Variants in SEMA6B observed in about 807,000 individuals in gnomAD.
SEMA6B encodes semaphorin-6B.
SEMA6B carries 47 observed loss-of-function variants against 78.6 expected under a neutral mutation model. The ratio of observed to expected loss-of-function variants is 0.60; its 90% CI spans 0.47 to 0.76. The LOEUF (loss-of-function observed/expected upper bound fraction) is 0.76. Among genes scored for constraint, SEMA6B ranks in the 30% least tolerant of loss-of-function variants. The pLI, the probability that SEMA6B is intolerant of heterozygous loss-of-function variation, is 0.00. For synonymous variants in SEMA6B, 632 were observed against 592.2 expected (o/e 1.07, Z -0.98); for missense variants, 1,213 against 1,269.9 (o/e 0.96, Z 0.68).
rs550058306 is a variant in SEMA6B, at chr19:4,551,220, CT to C, written c.990-291del. On this transcript the variant is annotated intron_variant, in intron 10 of 16. Coordinates refer to ENST00000586582, the MANE Select transcript of SEMA6B (RefSeq NM_032108.4). The stretch of plus-strand genomic sequence containing the variant: ...CTGTTAGAGCCCACTCCCCAGCAGG[CT>C]TTTTTTTTTTTTTTTGGAGACCGAG... Among the ~76,000 whole-genome samples, 1,120 of 132,892 alleles carry C rather than the reference CT, an allele frequency of 8.4e-3. 13 individuals are homozygous for C. The highest frequency in any genetic ancestry group is 0.021 in the African/African-American group (736 of 35,540). The allele number at this position is 132,892 out of a possible 152,430, so 87.2% of individuals were successfully genotyped here.
At chr19:4,547,884 C>CCGCGGGCCTTTG in intron 14 of SEMA6B, 143 bp downstream of exon 14, 1 of 1,061,754 alleles carries the variant, frequency 9.4e-7, no homozygotes. Flanking sequence ...GTGGTCCTGC[C>CCGCGGGCCTTTG]CGCGGGCCTT....
At position 4,548,021 on chromosome 19, in the gene SEMA6B, A is replaced by G; in HGVS notation, c.1601+6T>C. ...CGCCCACGGCTGGCCTGGGGTGGAC[A>G]CTCACTTCATACACCCCGAGTACTG... On this transcript the variant is annotated splice_donor_region_variant and intron_variant, in intron 14 of 16. Transcript: ENST00000586582. 1 of 1,539,258 alleles carries G rather than the reference A, an allele frequency of 6.5e-7. No individual in the cohort carries two copies. Among genetic ancestry groups the G allele is most frequent in the Non-Finnish European group, 8.7e-7 (1 of 1,143,616 alleles).
At position 4,543,588 on chromosome 19, in the gene SEMA6B, G is replaced by T. The variant is rs977600358; in HGVS notation, c.*13C>A. On this transcript the variant is annotated 3_prime_UTR_variant, in exon 17 of 17. Transcript: ENST00000586582. ...CGTGGCTGGCACTGCCAAGGCATCG[G>T]GGGGCCCCCGGCCTAGGGCACGGGG... is the stretch of plus-strand genomic sequence containing the variant. 1 of 1,217,900 alleles carries T rather than the reference G, an allele frequency of 8.2e-7. No homozygotes were observed. The highest frequency in any genetic ancestry group is 1.0e-6 in the Non-Finnish European group (1 of 972,124). The allele number at this position is 1,217,900 out of a possible 1,614,324, so 75.4% of individuals were successfully genotyped here. A position where few individuals can be genotyped will look rare whatever the true frequency, so the allele number is the denominator to read the frequency against.
rs1357642410 is a variant in SEMA6B, at chr19:4,555,043, G to A, written c.615C>T (p.Val205=). 1 of 1,613,944 alleles carries A rather than the reference G, an allele frequency of 6.2e-7. No individual in the cohort carries two copies. The highest frequency in any genetic ancestry group is 8.5e-7 in the Non-Finnish European group (1 of 1,179,982). ...GCCTGTCCCCGAGGCTGCGGTAGAT[G>A]ACAGCATCAATGGCTAGGAAGTCGG... The part of the protein sequence containing the change: ...TVTDFLAIDA[V]IYRSLGDRPT... The change falls in exon 8 of 17, where the codon GTC becomes GTT. Residue 205 remains valine, a synonymous_variant. Coordinates refer to ENST00000586582, the MANE Select transcript of SEMA6B (RefSeq NM_032108.4). The surrounding 1 kb of genome is among the most constrained non-coding windows in gnomAD (Gnocchi z 6.1).
rs1488664174 is a variant in SEMA6B, at chr19:4,548,398, C to A, written c.1319G>T (p.Gly440Val). The A allele has an allele frequency of 6.2e-7, 1 of 1,613,444 alleles. No individual in the cohort carries two copies. Among genetic ancestry groups the A allele is most frequent in the African/African-American group, 1.3e-5 (1 of 74,914 alleles). The part of the protein sequence containing the change: ...VAVDVGAGPW[G>V]NQTVVFLGSE... Reference sequence around the variant, plus strand: ...ACCCAGGAAGACAACGGTCTGGTTGCCCCAGGGGCCGGCTCCCACGTCCAC... The same window carrying A: ...ACCCAGGAAGACAACGGTCTGGTTGACCCAGGGGCCGGCTCCCACGTCCAC... The change falls in exon 13 of 17, where the codon GGC (glycine) becomes GTC (valine). Residue 440 changes from glycine to valine, a missense_variant. By Grantham distance (109) the Gly-to-Val change is moderately radical. Coordinates refer to ENST00000586582, the MANE Select transcript of SEMA6B (RefSeq NM_032108.4).
chr19:4,555,343 A>G lies in SEMA6B; in HGVS notation c.562+131T>C, dbSNP rs569237476. On this transcript the variant is annotated intron_variant, in intron 7 of 16. Transcript: ENST00000586582. The surrounding 1 kb of genome is among the most constrained non-coding windows in gnomAD (Gnocchi z 6.1). Reference sequence around the variant, plus strand: ...AGCTGAGCCCCAAACCTGGGCTGAGAGTCTGCCCATGTCACAGCTGGGACA... The same window carrying G: ...AGCTGAGCCCCAAACCTGGGCTGAGGGTCTGCCCATGTCACAGCTGGGACA... 2 of 872,228 alleles carry G rather than the reference A, an allele frequency of 2.3e-6. No individual in the cohort carries two copies. Among genetic ancestry groups the G allele is most frequent in the East Asian group, 5.3e-5 (2 of 37,914 alleles). 54.0% of individuals were successfully genotyped at this position (872,228 alleles called of 1,614,324 possible).
rs1329099675 is a variant in SEMA6B at position 4,542,855 on chromosome 19, G to C, written c.*746C>G. The C allele has an allele frequency of 1.7e-5, 12 of 701,536 alleles. No individual in the cohort carries two copies. The highest frequency in any genetic ancestry group is 1.4e-4 in the African/African-American group (8 of 57,042). 43.5% of individuals were successfully genotyped at this position (701,536 alleles called of 1,614,324 possible). On this transcript the variant is annotated 3_prime_UTR_variant, in exon 17 of 17. Coordinates refer to ENST00000586582, the MANE Select transcript of SEMA6B (RefSeq NM_032108.4). ...TGTGACTTCCGGGCAGGCCCTCCTC[G>C]TGTCTCCTGCCTGAAACCCCGGCAT...
At position 4,550,161 on chromosome 19, in the gene SEMA6B, C is replaced by T. The variant is rs138775166; in HGVS notation, c.1233G>A (p.Ser411=). Reference sequence around the variant, plus strand: ...GCAGGATCCAGGGCGCATGGCCCAGCGAGGGCACCGCCTCGTCCATCAGAG... The same window carrying T: ...GCAGGATCCAGGGCGCATGGCCCAGTGAGGGCACCGCCTCGTCCATCAGAG... ...THPLMDEAVP[S]LGHAPWILRT... Residue 411 remains serine (S), a synonymous_variant, in exon 12 of 17, where the codon TCG becomes TCA. Coordinates refer to ENST00000586582, the MANE Select transcript of SEMA6B (RefSeq NM_032108.4). This position sits in a 1 kb window ranked among gnomAD's most constrained non-coding sequence, Gnocchi z 6.6. 63 of 1,613,700 alleles carry T rather than the reference C, an allele frequency of 3.9e-5. No individual in the cohort carries two copies. Among genetic ancestry groups the T allele is most frequent in the African/African-American group, 2.0e-4 (15 of 74,918 alleles).
At chr19:4,547,883 C>T (rs1211866426) in intron 14 of SEMA6B, 144 bp downstream of exon 14, 3 of 1,043,820 alleles carry the variant, frequency 2.9e-6, no homozygotes, top group Admixed American at 6.2e-5. Flanking sequence ...AGTGGTCCTG[C>T]CCGCGGGCCT....
At chr19:4,556,872 G>A (rs1977485341) in intron 5 of SEMA6B, 79 bp downstream of exon 5, 9 of 1,355,166 alleles carry the variant, frequency 6.6e-6, no homozygotes, top group East Asian at 2.5e-5. Flanking sequence ...GGTGGGCGTG[G>A]CCTGGTCTGA....
At position 4,543,529 on chromosome 19, in the gene SEMA6B, C is replaced by G; in HGVS notation, c.*72G>C. 1.2e-6 allele frequency: 1 copy of G among 839,310 alleles called. No homozygotes were observed. The highest frequency in any genetic ancestry group is 1.6e-6 in the Non-Finnish European group (1 of 629,500). 52.0% of individuals were successfully genotyped at this position (839,310 alleles called of 1,614,324 possible). On this transcript the variant is annotated 3_prime_UTR_variant, in exon 17 of 17. Transcript: ENST00000586582. The stretch of plus-strand genomic sequence containing the variant: ...ACCCACTCGGAGTTGCCCCGGGCCC[C>G]GGCGTTCTGGCACCGTCTCTCGCTC...
rs1977044772 is a variant in SEMA6B at position 4,542,607 on chromosome 19, GT to G, written c.*993del. The G allele has an allele frequency of 2.0e-6, 1 of 488,960 alleles. No individual in the cohort carries two copies. 30.3% of individuals were successfully genotyped at this position (488,960 alleles called of 1,614,324 possible). A position where few individuals can be genotyped will look rare whatever the true frequency, so the allele number is the denominator to read the frequency against. Reference sequence around the variant, plus strand: ...ATGGGGGCCGGTGGTTGTAAACAGAGTTTTATTGATGGGGAGGGGGCTGGGG... The same window carrying G: ...ATGGGGGCCGGTGGTTGTAAACAGAGTTTATTGATGGGGAGGGGGCTGGGG... On this transcript the variant is annotated 3_prime_UTR_variant, in exon 17 of 17. Transcript: ENST00000586582.
Position 4,544,612 on chromosome 19 carries a change from T to C in SEMA6B, c.1739-83A>G. 2.9e-6 allele frequency: 2 copies of C among 699,706 alleles called. No homozygotes were observed. The highest frequency in any genetic ancestry group is 4.1e-6 in the Non-Finnish European group (2 of 493,192). The allele number at this position is 699,706 out of a possible 1,614,324, so 43.3% of individuals were successfully genotyped here. A position where few individuals can be genotyped will look rare whatever the true frequency, so the allele number is the denominator to read the frequency against. Reference sequence around the variant, plus strand: ...CCTACCTCCTCGGGGCCCTCTGTCCTCTTTTTTATTATTTTTATTTTTTTT... The same window carrying C: ...CCTACCTCCTCGGGGCCCTCTGTCCCCTTTTTTATTATTTTTATTTTTTTT... On this transcript the variant is annotated intron_variant, in intron 16 of 16. Transcript: ENST00000586582. This position sits in a 1 kb window ranked among gnomAD's most constrained non-coding sequence, Gnocchi z 5.1.
chr19:4,545,149 C>G (rs1977132049), intron 16 of SEMA6B, among the ~76,000 whole-genome samples: 1 of 151,606 alleles, frequency 6.6e-6, no homozygotes, highest in South Asian at 2.1e-4. Context: ...TTGAGACCAG[C>G]CTGGCCAACA....
rs564594434 is a variant in SEMA6B at position 4,547,494 on chromosome 19, C to T, written c.1601+533G>A. ...ACGGCGGGCAGGAAGCAGGGTCCTC[C>T]GCATTGACGGCTCACATGGAGTGCA... is the stretch of plus-strand genomic sequence containing the variant. On this transcript the variant is annotated intron_variant, in intron 14 of 16. Coordinates refer to ENST00000586582, the MANE Select transcript of SEMA6B (RefSeq NM_032108.4). 1.6e-4 allele frequency among the ~76,000 whole-genome samples: 24 copies of T among 152,324 alleles called. No individual in the cohort carries two copies. The South Asian group carries it at 2.5e-3, about 16-fold the overall frequency.
rs1243209009 is a variant in SEMA6B, at chr19:4,543,355, C to A, written c.*246G>T. 2.3e-6 allele frequency: 1 copy of A among 434,074 alleles called. No homozygotes were observed. Among genetic ancestry groups the A allele is most frequent in the Non-Finnish European group, 4.1e-6 (1 of 246,710 alleles). The allele number at this position is 434,074 out of a possible 1,614,324, so 26.9% of individuals were successfully genotyped here. ...AAACCTACGCGCATAAGGTCAACCT[C>A]AAATCCATAGCAAAGTCCTCCCGCC... On this transcript the variant is annotated 3_prime_UTR_variant, in exon 17 of 17. Coordinates refer to ENST00000586582, the MANE Select transcript of SEMA6B (RefSeq NM_032108.4).
rs1408529429 is a variant in SEMA6B, at chr19:4,543,972, CA to C, written c.2295del (p.Glu767SerfsTer63). ...PARAPEQPPA[P>X]GEPTPDGRLY... ...AGGCGGCCGTCGGGGGTCGGCTCCC[CA>C]GGCGCGGGGGGCTGCTCGGGGGCCC... On this transcript the variant is annotated frameshift_variant, in exon 17 of 17. Transcript: ENST00000586582. LOFTEE classifies it high-confidence loss of function. The C allele has an allele frequency of 8.3e-7, 1 of 1,203,382 alleles. No homozygotes were observed. Among genetic ancestry groups the C allele is most frequent in the African/African-American group, 1.6e-5 (1 of 63,040 alleles). The allele number at this position is 1,203,382 out of a possible 1,614,324, so 74.5% of individuals were successfully genotyped here. A position where few individuals can be genotyped will look rare whatever the true frequency, so the allele number is the denominator to read the frequency against.
Position 4,543,490 on chromosome 19 carries a change from G to A in SEMA6B, c.*111C>T. On this transcript the variant is annotated 3_prime_UTR_variant, in exon 17 of 17. Coordinates refer to ENST00000586582, the MANE Select transcript of SEMA6B (RefSeq NM_032108.4). ...CCCCCCACTCCGCGGGTGGGTCGCG[G>A]GGGGGACTTGAGCACCCACTCGGAG... The A allele has an allele frequency of 2.2e-6, 1 of 453,386 alleles. No individual in the cohort carries two copies. The highest frequency in any genetic ancestry group is 3.6e-5 in the East Asian group (1 of 27,976). 28.1% of individuals were successfully genotyped at this position (453,386 alleles called of 1,614,324 possible).
Position 4,558,256 on chromosome 19 carries a change from C to G in SEMA6B, c.121+81G>C. On this transcript the variant is annotated intron_variant, in intron 2 of 16. Transcript: ENST00000586582. This position sits in a 1 kb window ranked among gnomAD's most constrained non-coding sequence, Gnocchi z 5.1. Reference sequence around the variant, plus strand: ...TGGCTCCTGGACTGCTTGAGTCCCCCAGTGGGGGCAGCAGACCCAACTGGG... The same window carrying G: ...TGGCTCCTGGACTGCTTGAGTCCCCGAGTGGGGGCAGCAGACCCAACTGGG... The G allele has an allele frequency of 7.7e-7, 1 of 1,301,636 alleles. No homozygotes were observed. The highest frequency in any genetic ancestry group is 2.7e-5 in the South Asian group (1 of 37,326). The allele number at this position is 1,301,636 out of a possible 1,614,324, so 80.6% of individuals were successfully genotyped here.
Sources: gnomAD v4.1 joint callset for allele counts (sites outside exome capture counted in the v4.1 genomes callset) on GRCh38, gnomAD v4.1.1 for gene constraint, Gnocchi (gnomAD v3.1) non-coding constraint, MANE v1.5 for transcripts, NCBI Gene and HGNC (gene_info 2026-07-23, HGNC 2026-07-21) for gene names.